PKP4: variants seen among roughly 807,000 people sequenced by gnomAD.
PKP4 encodes the protein plakophilin 4.
PKP4 carries 90 observed loss-of-function variants against 145.1 expected under a neutral mutation model. The ratio of observed to expected loss-of-function variants is 0.62; its 90% confidence interval spans 0.52 to 0.74. PKP4 has a LOEUF of 0.74. Ranked by LOEUF, PKP4 falls within the 30% of genes least tolerant of loss-of-function variation. The pLI is 0.00. For missense variants in PKP4, 1,340 were observed against 1,482.7 expected (o/e 0.90, Z 1.58); for synonymous variants, 563 against 577.2 (o/e 0.98, Z 0.35).
intron 1 of PKP4, among the ~76,000 whole-genome samples, chr2:158,505,048 T>A (rs1272615094): frequency 2.6e-5 from 4 of 152,124 alleles, no homozygotes; most frequent in Non-Finnish European, 4.4e-5. Context: ...AAATTAAGAG[T>A]TCTTTTCCTG....
intron 3 of PKP4, among the ~76,000 whole-genome samples, chr2:158,578,838 AG>A (rs2048086697): frequency 6.6e-6 from 1 of 152,218 alleles, no homozygotes; most frequent in Non-Finnish European, 1.5e-5. Context: ...GCACAAGAGG[AG>A]GGAAAATCCC....
At chr2:158,610,405 AATAC>A (rs2105868882) in intron 4 of PKP4, among the ~76,000 whole-genome samples, 1 of 152,344 alleles carries the variant, frequency 6.6e-6, no homozygotes, top group South Asian at 2.1e-4. Flanking sequence ...AATCACAGAA[AATAC>A]ATACTAGAAT....
At chr2:158,518,039 T>G (rs1220488181) in intron 1 of PKP4, among the ~76,000 whole-genome samples, 1 of 152,234 alleles carries the variant, frequency 6.6e-6, no homozygotes, top group East Asian at 1.9e-4. Flanking sequence ...TAGTATTGAC[T>G]TATTCAGTGT....
chr2:158,587,881 T>G (rs2048931663), intron 3 of PKP4, among the ~76,000 whole-genome samples: 1 of 151,750 alleles, frequency 6.6e-6, no homozygotes. Context: ...TTATATATTA[T>G]ATACATATAT....
At chr2:158,674,880 A>G (rs1207713703) in intron 19 of PKP4, among the ~76,000 whole-genome samples, 1 of 152,180 alleles carries the variant, frequency 6.6e-6, no homozygotes, top group African/African-American at 2.4e-5. Context: ...CATGTGGACA[A>G]ATGTGGCCAA....
chr2:158,474,291 G>T (rs897169090), intron 1 of PKP4, among the ~76,000 whole-genome samples: 5 of 152,184 alleles, frequency 3.3e-5, no homozygotes, highest in Admixed American at 2.6e-4. Context: ...TCTGTAATCA[G>T]TAATGACATT....
chr2:158,619,065 A>C (rs1343853712), intron 4 of PKP4, among the ~76,000 whole-genome samples: 1 of 152,138 alleles, frequency 6.6e-6, no homozygotes, highest in Non-Finnish European at 1.5e-5. Context: ...TCCCTGATGG[A>C]ACAAAGGTTG....
intron 2 of PKP4, among the ~76,000 whole-genome samples, chr2:158,554,430 T>TTA (rs71882338): frequency 0.45 from 38,879 of 86,814 alleles, 5,642 homozygotes; most frequent in Non-Finnish European, 0.51. Flanking sequence ...ATTATTATTA[T>TTA]TTTTTTTTTT....
intron 2 of PKP4, among the ~76,000 whole-genome samples, chr2:158,571,136 TC>T (rs1170250221): frequency 6.6e-6 from 1 of 152,176 alleles, no homozygotes; most frequent in Non-Finnish European, 1.5e-5. Flanking sequence ...TTCTTAATTG[TC>T]GTCATCATAA....
chr2:158,503,816 A>T (rs985826372), intron 1 of PKP4, among the ~76,000 whole-genome samples: 7 of 152,110 alleles, frequency 4.6e-5, no homozygotes, highest in African/African-American at 1.7e-4. Flanking sequence ...GTCAACCTTG[A>T]ATGTATACCA....
intron 3 of PKP4, among the ~76,000 whole-genome samples, chr2:158,601,637 G>A (rs528003352): frequency 2.6e-4 from 39 of 152,294 alleles, no homozygotes; most frequent in Middle Eastern, 3.4e-3. Context: ...ACATCACAGA[G>A]CCCTGGAGGA....
intron 1 of PKP4, among the ~76,000 whole-genome samples, chr2:158,483,137 G>T (rs570216034): frequency 6.6e-6 from 1 of 152,126 alleles, no homozygotes; most frequent in African/African-American, 2.4e-5. Context: ...TGGGGAAGTT[G>T]TATCTTTTAG....
intron 2 of PKP4, among the ~76,000 whole-genome samples, chr2:158,560,120 G>T (rs548035071): frequency 1.5e-4 from 23 of 152,174 alleles, no homozygotes; most frequent in Non-Finnish European, 2.6e-4. Context: ...GCCCTCCTCA[G>T]CCTCCCAAAG....
At chr2:158,642,445 G>A (rs1362470630) in intron 10 of PKP4, 41 bp from the exon 11 acceptor site, 3 of 1,410,754 alleles carry the variant, frequency 2.1e-6, no homozygotes, top group Non-Finnish European at 2.9e-6. Flanking sequence ...CTGATTAATT[G>A]CATGTTACTT....
chr2:158,582,901 C>G (rs1275697750), intron 3 of PKP4, among the ~76,000 whole-genome samples: 3 of 152,176 alleles, frequency 2.0e-5, no homozygotes, highest in African/African-American at 7.2e-5. Flanking sequence ...AAGCAGGCAG[C>G]CTACCATGAC....
Position 158,604,463 on chromosome 2 carries a change from G to T in PKP4, c.280+1359G>T, listed in dbSNP as rs556178518. ...ACATTTCTCAGAAGAAACAGCAGAG[G>T]TGTGAACTGGTGGGAGGAAAAATTA... is the stretch of plus-strand genomic sequence containing the variant. On this transcript the variant is annotated intron_variant, in intron 4 of 21. Coordinates refer to ENST00000389759, the MANE Select transcript of PKP4 (RefSeq NM_003628.6). Among the ~76,000 whole-genome samples the T allele has an allele frequency of 5.3e-5, 8 of 152,300 alleles. No homozygotes were observed. The South Asian group carries it at 1.2e-3, about 24-fold the overall frequency.
intron 19 of PKP4, among the ~76,000 whole-genome samples, chr2:158,674,571 T>C (rs1339860152): frequency 6.6e-6 from 1 of 152,118 alleles, no homozygotes; most frequent in Non-Finnish European, 1.5e-5. Context: ...GGCCTTACAG[T>C]GTGGGTCTGT....
chr2:158,571,168 A>G (rs2047382056), intron 2 of PKP4, among the ~76,000 whole-genome samples: 2 of 152,138 alleles, frequency 1.3e-5, no homozygotes, highest in African/African-American at 4.8e-5. Flanking sequence ...TATTGCAGCT[A>G]CTCCTGAATT....
intron 16 of PKP4, chr2:158,669,436 T>G: frequency 3.9e-6 from 1 of 253,454 alleles, no homozygotes; most frequent in Non-Finnish European, 7.4e-6. Flanking sequence ...AGTAACTTGA[T>G]TTGTCTACCC....
Sources: gnomAD v4.1 joint callset for allele counts (sites outside exome capture counted in the v4.1 genomes callset) on GRCh38, gnomAD v4.1.1 for gene constraint, MANE v1.5 for transcripts, NCBI Gene and HGNC (gene_info 2026-07-23, HGNC 2026-07-21) for gene names.